BCAS4: variants seen among roughly 807,000 people sequenced by gnomAD.
The protein encoded by BCAS4 is breast carcinoma amplified sequence 4.
Under a neutral mutation model 15.7 loss-of-function variants are expected in BCAS4, and 9 were observed. The ratio of observed to expected loss-of-function variants is 0.57; its 90% confidence interval spans 0.34 to 1.00. The LOEUF (loss-of-function observed/expected upper bound fraction) is 1.00, where lower values mean the gene tolerates loss of function less well. BCAS4 is among the 50% of genes least tolerant of loss of function. The probability of loss-of-function intolerance (pLI) is 0.02; values close to 1 mark genes in which losing one functional copy is unlikely to be tolerated. For synonymous variants in BCAS4, 101 were observed against 99.5 expected (o/e 1.02, Z -0.09); for missense variants, 225 against 239.1 (o/e 0.94, Z 0.39).
At chr20:50,804,298 C>G (rs879696562) in intron 1 of BCAS4, among the ~76,000 whole-genome samples, 7 of 152,224 alleles carry the variant, frequency 4.6e-5, no homozygotes, top group Non-Finnish European at 8.8e-5. Flanking sequence ...CTGGGCCTCC[C>G]AAAGTGCTGG....
chr20:50,797,748 C>T (rs1415677163), intron 1 of BCAS4, among the ~76,000 whole-genome samples: 6 of 151,822 alleles, frequency 4.0e-5, no homozygotes, highest in Admixed American at 3.9e-4. Context: ...TCACCGCAAC[C>T]TCCACCTCCT....
chr20:50,826,368 C>A (rs1393332857), intron 2 of BCAS4, among the ~76,000 whole-genome samples: 1 of 152,166 alleles, frequency 6.6e-6, no homozygotes, highest in Non-Finnish European at 1.5e-5. Context: ...CTGGAGGGAG[C>A]AGTCCCAGCC....
At chr20:50,857,098 C>T (rs1320450441) in intron 4 of BCAS4, among the ~76,000 whole-genome samples, 2 of 152,212 alleles carry the variant, frequency 1.3e-5, no homozygotes, top group East Asian at 3.8e-4. Flanking sequence ...GAGCCCTGTT[C>T]AGAATGAAAT....
At position 50,841,917 on chromosome 20, in the gene BCAS4, G is replaced by T. The variant is rs370380983; in HGVS notation, c.399+17G>T. 1.3e-6 allele frequency: 2 copies of T among 1,546,086 alleles called. No individual in the cohort carries two copies. The highest frequency in any genetic ancestry group is 2.8e-5 in the African/African-American group (2 of 72,152). ...TTCAGGAACGTGAGTATCCTGCCCC[G>T]AGAAGTGAGGGGAGGGCCTCTCCCC... On this transcript the variant is annotated intron_variant, in intron 4 of 4. Transcript: ENST00000371608.
chr20:50,809,132 C>A (rs1007837171), intron 1 of BCAS4, among the ~76,000 whole-genome samples: 2 of 152,106 alleles, frequency 1.3e-5, no homozygotes, highest in African/African-American at 2.4e-5. Context: ...TGTCAAAGAT[C>A]AGTTGGCTGT....
intron 3 of BCAS4, among the ~76,000 whole-genome samples, chr20:50,835,135 A>G (rs2088391587): frequency 1.3e-5 from 2 of 152,212 alleles, no homozygotes; most frequent in Admixed American, 1.3e-4. Flanking sequence ...GAAGTTTCTA[A>G]CAATTTTCCA....
intron 3 of BCAS4, among the ~76,000 whole-genome samples, chr20:50,837,747 T>C (rs886380186): frequency 6.6e-6 from 1 of 152,236 alleles, no homozygotes; most frequent in Non-Finnish European, 1.5e-5. Context: ...GGCAGGCATT[T>C]TGGAGACAGT....
intron 2 of BCAS4, among the ~76,000 whole-genome samples, chr20:50,824,205 G>C (rs751741021): frequency 6.6e-6 from 1 of 152,198 alleles, no homozygotes; most frequent in Admixed American, 6.5e-5. Flanking sequence ...AGTGGCCTTC[G>C]GCCCACCTTC....
chr20:50,816,529 G>T (rs1221785091), intron 1 of BCAS4, among the ~76,000 whole-genome samples: 1 of 152,162 alleles, frequency 6.6e-6, no homozygotes, highest in East Asian at 1.9e-4. Flanking sequence ...TGGCAGCTCC[G>T]GGCCTGCATT....
At chr20:50,840,565 G>A in intron 3 of BCAS4, 1 of 1,530,722 alleles carries the variant, frequency 6.5e-7, no homozygotes, top group Non-Finnish European at 9.0e-7. Flanking sequence ...AGTAAAATAA[G>A]AAGGCAATGC....
chr20:50,800,857 T>A (rs1213274567), intron 1 of BCAS4, among the ~76,000 whole-genome samples: 1 of 152,100 alleles, frequency 6.6e-6, no homozygotes, highest in East Asian at 1.9e-4. Flanking sequence ...CCACCGCGCC[T>A]GGCGAACTTT....
intron 3 of BCAS4, among the ~76,000 whole-genome samples, chr20:50,836,505 T>C (rs2088412225): frequency 6.6e-6 from 1 of 152,186 alleles, no homozygotes; most frequent in African/African-American, 2.4e-5. Context: ...ATGGTGGTTG[T>C]AGTTGTCCAC....
At chr20:50,869,070 G>A (rs1449056696) in intron 4 of BCAS4, among the ~76,000 whole-genome samples, 2 of 152,244 alleles carry the variant, frequency 1.3e-5, no homozygotes, top group African/African-American at 2.4e-5. Context: ...AGGACTCAGC[G>A]AAGCTGATGG....
At chr20:50,863,592 C>T (rs1979205482) in intron 4 of BCAS4, among the ~76,000 whole-genome samples, 1 of 152,068 alleles carries the variant, frequency 6.6e-6, no homozygotes, top group East Asian at 1.9e-4. Context: ...TTTTGTGGAG[C>T]CAACCACCTT....
At chr20:50,873,138 C>T (rs114138951) in intron 4 of BCAS4, among the ~76,000 whole-genome samples, 8 of 152,246 alleles carry the variant, frequency 5.3e-5, no homozygotes, top group Non-Finnish European at 1.0e-4. Context: ...GGCCTAAAGA[C>T]GCCATCACAT....
intron 3 of BCAS4, 126 bp from the exon 4 acceptor site, chr20:50,841,640 G>T: frequency 7.7e-7 from 1 of 1,296,728 alleles, no homozygotes; most frequent in South Asian, 1.4e-5. Flanking sequence ...CTTGCAGGGA[G>T]CCCCATTGGA....
intron 4 of BCAS4, among the ~76,000 whole-genome samples, chr20:50,863,329 C>T (rs1044648295): frequency 7.4e-6 from 1 of 134,684 alleles, no homozygotes; most frequent in African/African-American, 2.9e-5. Flanking sequence ...GCAGTCTTGG[C>T]TCACTACAAC....
intron 4 of BCAS4, among the ~76,000 whole-genome samples, chr20:50,859,924 G>C (rs1350361218): frequency 1.3e-5 from 2 of 152,168 alleles, no homozygotes; most frequent in Non-Finnish European, 2.9e-5. Flanking sequence ...AGGATCGCTT[G>C]AACCCAGGAT....
chr20:50,881,587 A>T (rs559896038), downstream of BCAS4: 1 of 152,342 alleles, frequency 6.6e-6, no homozygotes, highest in South Asian at 2.1e-4. Flanking sequence ...AATGTATGCC[A>T]ATAAGTATGG....
Sources: gnomAD v4.1 joint callset for allele counts (sites outside exome capture counted in the v4.1 genomes callset) on GRCh38, gnomAD v4.1.1 for gene constraint, MANE v1.5 for transcripts, NCBI Gene and HGNC (gene_info 2026-07-23, HGNC 2026-07-21) for gene names.